RPS6KC1: variants seen among roughly 807,000 people sequenced by gnomAD.
The protein encoded by RPS6KC1 is ribosomal protein S6 kinase C1, also known as inactive ribosomal protein S6 kinase delta-1.
Under a neutral mutation model 103.8 loss-of-function variants are expected in RPS6KC1, and 54 were observed. That is an observed-to-expected ratio of 0.52 (90% CI 0.42 to 0.65). The LOEUF (loss-of-function observed/expected upper bound fraction) is 0.65. RPS6KC1 is among the 30% of genes least tolerant of loss of function. RPS6KC1 has a pLI of 0.00. For missense variants in RPS6KC1, 1,151 were observed against 1,253.8 expected (o/e 0.92, Z 1.24); for synonymous variants, 439 against 438.7 (o/e 1.00, Z -0.01).
intron 10 of RPS6KC1, among the ~76,000 whole-genome samples, chr1:213,237,454 T>C (rs1474365283): frequency 6.6e-6 from 1 of 152,090 alleles, no homozygotes; most frequent in Non-Finnish European, 1.5e-5. Flanking sequence ...ATGGCTATTA[T>C]TAATTGATAT....
intron 3 of RPS6KC1, among the ~76,000 whole-genome samples, chr1:213,084,050 A>G (rs2080150737): frequency 1.3e-5 from 2 of 151,980 alleles, no homozygotes. Context: ...ACACCTCTAT[A>G]CTTTCCAACC....
chr1:213,317,319 C>T, the RPS6KC1 span, among the ~76,000 whole-genome samples: 1 of 152,184 alleles, frequency 6.6e-6, no homozygotes, highest in Admixed American at 6.5e-5. Flanking sequence ...CTCAACATCA[C>T]TGATGTTGAG....
At chr1:213,694,395 A>C in the RPS6KC1 span, among the ~76,000 whole-genome samples, 2 of 152,200 alleles carry the variant, frequency 1.3e-5, no homozygotes, top group Non-Finnish European at 2.9e-5. Context: ...ACCTTACTGA[A>C]GGCTGCAAGA....
At chr1:213,767,307 A>T in the RPS6KC1 span, among the ~76,000 whole-genome samples, 5 of 152,334 alleles carry the variant, frequency 3.3e-5, no homozygotes, top group East Asian at 7.7e-4. Flanking sequence ...CCCTGAAAGC[A>T]GGCTGGTGGT....
the RPS6KC1 span, among the ~76,000 whole-genome samples, chr1:213,801,288 C>G: frequency 5.9e-5 from 9 of 152,294 alleles, no homozygotes; most frequent in African/African-American, 2.2e-4. Flanking sequence ...TGCACATACT[C>G]GCACATATGA....
chr1:213,152,882 G>T (rs2089375728), intron 6 of RPS6KC1, among the ~76,000 whole-genome samples: 1 of 152,262 alleles, frequency 6.6e-6, no homozygotes, highest in Non-Finnish European at 1.5e-5. Flanking sequence ...GGGAGGCCAA[G>T]GCAGGCGGCT....
intron 8 of RPS6KC1, among the ~76,000 whole-genome samples, chr1:213,201,386 A>G (rs1350164774): frequency 3.3e-5 from 5 of 152,242 alleles, no homozygotes; most frequent in East Asian, 1.9e-4. Context: ...TTCCAATTGT[A>G]TGACTTCTGG....
the RPS6KC1 span, among the ~76,000 whole-genome samples, chr1:213,477,363 A>G: frequency 6.8e-6 from 1 of 146,036 alleles, no homozygotes; most frequent in Non-Finnish European, 1.5e-5. Context: ...TTTTTTTTTT[A>G]TCTATTTCAT....
At chr1:213,459,875 G>A in the RPS6KC1 span, among the ~76,000 whole-genome samples, 3 of 152,160 alleles carry the variant, frequency 2.0e-5, no homozygotes, top group South Asian at 4.1e-4. Flanking sequence ...AGGTTGTTCC[G>A]TTTCCATGTA....
At chr1:213,114,667 C>T (rs1352313760) in intron 4 of RPS6KC1, among the ~76,000 whole-genome samples, 1 of 151,764 alleles carries the variant, frequency 6.6e-6, no homozygotes, top group Non-Finnish European at 1.5e-5. Context: ...AGTTTTTGCC[C>T]ATTCAGTATG....
the RPS6KC1 span, among the ~76,000 whole-genome samples, chr1:213,576,234 A>T: frequency 6.6e-6 from 1 of 152,148 alleles, no homozygotes; most frequent in African/African-American, 2.4e-5. Flanking sequence ...CAACAATAAA[A>T]ATAATATAAA....
At chr1:213,851,347 C>T in the RPS6KC1 span, among the ~76,000 whole-genome samples, 1 of 152,126 alleles carries the variant, frequency 6.6e-6, no homozygotes, top group Non-Finnish European at 1.5e-5. Context: ...GAAACTTCAC[C>T]TTCCTTTAAG....
At chr1:213,788,512 C>A in the RPS6KC1 span, among the ~76,000 whole-genome samples, 1 of 152,196 alleles carries the variant, frequency 6.6e-6, no homozygotes, top group Non-Finnish European at 1.5e-5. Context: ...AAAACAAAAC[C>A]ACAGAAATTC....
the RPS6KC1 span, among the ~76,000 whole-genome samples, chr1:213,674,842 T>A: frequency 6.6e-6 from 1 of 152,220 alleles, no homozygotes; most frequent in Admixed American, 6.5e-5. Context: ...CAGACTGGTA[T>A]AAGATGGTAT....
chr1:213,481,299 T>A, the RPS6KC1 span, among the ~76,000 whole-genome samples: 1 of 152,122 alleles, frequency 6.6e-6, no homozygotes, highest in Non-Finnish European at 1.5e-5. Context: ...GACAAGAAAA[T>A]CTAGGTGGAA....
chr1:213,207,116 A>T (rs1206555858), intron 8 of RPS6KC1, among the ~76,000 whole-genome samples: 1 of 152,192 alleles, frequency 6.6e-6, no homozygotes, highest in Non-Finnish European at 1.5e-5. Flanking sequence ...ATATGTATAT[A>T]TATATAGCTT....
At chr1:213,527,187 TG>T in the RPS6KC1 span, among the ~76,000 whole-genome samples, 4 of 152,236 alleles carry the variant, frequency 2.6e-5, no homozygotes, top group Admixed American at 6.5e-5. Flanking sequence ...TATCTTGCTT[TG>T]CCTGATGACT....
the RPS6KC1 span, among the ~76,000 whole-genome samples, chr1:213,325,123 T>G: frequency 1.3e-5 from 2 of 152,172 alleles, no homozygotes; most frequent in East Asian, 3.9e-4. Flanking sequence ...TGATTACATT[T>G]CCAGCCAATC....
intron 12 of RPS6KC1, among the ~76,000 whole-genome samples, chr1:213,260,605 A>G (rs1171827118): frequency 3.9e-5 from 6 of 151,976 alleles, no homozygotes; most frequent in Non-Finnish European, 8.8e-5. Flanking sequence ...TAAACTTGAA[A>G]GTAGTTATGA....
Sources: allele counts gnomAD v4.1 joint callset (sites outside exome capture counted in the v4.1 genomes callset), GRCh38; gene constraint gnomAD v4.1.1; transcripts MANE v1.5; gene names NCBI Gene and HGNC (gene_info 2026-07-23, HGNC 2026-07-21).